Variants in BARD1 observed in about 807,000 individuals in gnomAD.
The protein encoded by BARD1 is BRCA1-associated RING domain protein 1.
A neutral mutation model predicts 77.0 loss-of-function variants in BARD1; 73 were observed. The observed-to-expected ratio is 0.95, with a 90% CI of 0.79 to 1.15. BARD1 has a LOEUF of 1.15. BARD1 is among the 50% of genes most tolerant of loss of function. BARD1 has a pLI of 0.00. For missense variants in BARD1, 993 were observed against 938.8 expected, an observed-to-expected ratio of 1.06 and a Z score of -0.75; for synonymous variants, 384 against 338.0, an observed-to-expected ratio of 1.14 and a Z score of -1.49.
chr2:214,743,416 T>C (rs1692939703), intron 9 of BARD1, among the ~76,000 whole-genome samples: 1 of 152,234 alleles, frequency 6.6e-6, no homozygotes, highest in Non-Finnish European at 1.5e-5. Context: ...TGTTCTTTCT[T>C]AACATCTTAT....
chr2:214,800,443 C>T (rs1463068872), intron 1 of BARD1, among the ~76,000 whole-genome samples: 2 of 152,122 alleles, frequency 1.3e-5, no homozygotes, highest in Non-Finnish European at 2.9e-5. Context: ...GAGGCTGAGG[C>T]AGGAGGAAAG....
At chr2:214,742,426 T>C (rs1192631913) in intron 9 of BARD1, among the ~76,000 whole-genome samples, 1 of 152,224 alleles carries the variant, frequency 6.6e-6, no homozygotes, top group East Asian at 1.9e-4. Flanking sequence ...TTGAAGGTTC[T>C]TGCCTTCTTT....
intron 9 of BARD1, among the ~76,000 whole-genome samples, chr2:214,742,169 C>G (rs1411080897): frequency 1.3e-5 from 2 of 152,070 alleles, no homozygotes; most frequent in Non-Finnish European, 2.9e-5. Context: ...AAGCTTTGGT[C>G]CACCTATCAT....
intron 4 of BARD1, 35 bp from the exon 5 acceptor site, chr2:214,769,347 T>G: frequency 6.5e-7 from 1 of 1,533,958 alleles, no homozygotes; most frequent in Non-Finnish European, 9.0e-7. Flanking sequence ...TTAAAAAGCA[T>G]TAAGGAAAGA....
chr2:214,797,090 A>G lies in BARD1; in HGVS notation c.186T>C (p.Cys62=). ...RCTNILREPV[C]LGGCEHIFCS... is the part of the protein sequence containing the mutation. ...AGAAGATGTGCTCACATCCTCCTAA[A>G]CACACAGGCTCTCTCAGAATGTTAG... The change falls in exon 2 of 11, where the codon TGT becomes TGC. Residue 62 remains cysteine, a synonymous_variant. Coordinates refer to ENST00000260947, the MANE Select transcript of BARD1 (RefSeq NM_000465.4). 1 of 1,613,120 alleles carries G rather than the reference A, an allele frequency of 6.2e-7. No homozygotes were observed. The highest frequency in any genetic ancestry group is 8.5e-7 in the Non-Finnish European group (1 of 1,179,226).
chr2:214,728,871 C>A lies in BARD1; in HGVS notation c.2139G>T (p.Val713=). The part of the protein sequence containing the change: ...LSRKPKPDSD[V]TQTINTVAYH... Reference sequence around the variant, plus strand: ...ATGCGACTGTATTGATGGTCTGAGTCACGTCACTGTCTGGCTTGGGCTTTC... The same window carrying A: ...ATGCGACTGTATTGATGGTCTGAGTAACGTCACTGTCTGGCTTGGGCTTTC... The change falls in exon 11 of 11, where the codon GTG becomes GTT. Residue 713 remains valine (V), a synonymous_variant. Coordinates refer to ENST00000260947, the MANE Select transcript of BARD1 (RefSeq NM_000465.4). 1 of 1,614,178 alleles carries A rather than the reference C, an allele frequency of 6.2e-7. No homozygotes were observed.
At chr2:214,791,554 A>G (rs1176708158) in intron 3 of BARD1, among the ~76,000 whole-genome samples, 1 of 152,214 alleles carries the variant, frequency 6.6e-6, no homozygotes, top group East Asian at 1.9e-4. Context: ...ACAGTTAATT[A>G]GTTCTCAGCA....
chr2:214,793,768 A>G (rs188768122), intron 2 of BARD1, among the ~76,000 whole-genome samples: 1 of 152,290 alleles, frequency 6.6e-6, no homozygotes, highest in Non-Finnish European at 1.5e-5. Flanking sequence ...TTCTGAAAAA[A>G]ATGTCATTTT....
chr2:214,734,375 T>G (rs377593128), intron 9 of BARD1, among the ~76,000 whole-genome samples: 2 of 152,244 alleles, frequency 1.3e-5, no homozygotes, highest in South Asian at 2.1e-4. Flanking sequence ...AGTTGTTCCA[T>G]TGTTACTTCT....
intron 7 of BARD1, 25 bp downstream of exon 7, chr2:214,752,422 G>A: frequency 1.3e-6 from 2 of 1,557,270 alleles, no homozygotes; most frequent in Non-Finnish European, 1.8e-6. Flanking sequence ...ATATATAAAT[G>A]TCCCAAAGCT....
intron 5 of BARD1, among the ~76,000 whole-genome samples, chr2:214,767,979 G>GA (rs11427475): frequency 0.55 from 83,497 of 151,834 alleles, 23,283 homozygotes; most frequent in African/African-American, 0.64. Flanking sequence ...AACACATTAA[G>GA]AAAAAAGTCT....
chr2:214,735,228 C>T (rs924925221), intron 9 of BARD1, among the ~76,000 whole-genome samples: 1 of 152,112 alleles, frequency 6.6e-6, no homozygotes, highest in African/African-American at 2.4e-5. Flanking sequence ...AACAGCACTT[C>T]AGCACTGTAT....
In BARD1 at chr2:214,792,314, T is replaced by G. The variant is rs773211367; in HGVS notation, c.347A>C (p.His116Pro). 6.2e-7 allele frequency: 1 copy of G among 1,613,522 alleles called. No homozygotes were observed. Among genetic ancestry groups the G allele is most frequent in the Admixed American group, 1.7e-5 (1 of 59,920 alleles). The change falls in exon 3 of 11, where the codon CAT becomes CCT. Residue 116 changes from histidine (H) to proline (P), a missense_variant. His to Pro is a moderately conservative substitution (Grantham distance 77). Transcript: ENST00000260947. The stretch of plus-strand genomic sequence containing the variant: ...GTTCTTACCTGACAGCTCATTGTCA[T>G]GTAGCAAATTTCGAAGCTTACTACA... ...QLCSKLRNLL[H>P]DNELSDLKED...
intron 7 of BARD1, among the ~76,000 whole-genome samples, chr2:214,750,068 T>C (rs1693333526): frequency 6.6e-6 from 1 of 152,170 alleles, no homozygotes; most frequent in African/African-American, 2.4e-5. Flanking sequence ...CATCTACTAC[T>C]ACTCTTGTGA....
At chr2:214,771,924 G>GAAAAAAAAA (rs10602414) in intron 4 of BARD1, among the ~76,000 whole-genome samples, 2 of 107,162 alleles carry the variant, frequency 1.9e-5, no homozygotes, top group Admixed American at 9.6e-5. Flanking sequence ...CCAGTTTCAG[G>GAAAAAAAAA]AAAAAAAAAA....
At chr2:214,789,403 T>A (rs1204113230) in intron 3 of BARD1, among the ~76,000 whole-genome samples, 1 of 148,816 alleles carries the variant, frequency 6.7e-6, no homozygotes, top group Non-Finnish European at 1.5e-5. Flanking sequence ...ATTGGCAGGG[T>A]ATGTGGTGGT....
At chr2:214,751,725 G>A (rs1173197508) in intron 7 of BARD1, among the ~76,000 whole-genome samples, 1 of 151,930 alleles carries the variant, frequency 6.6e-6, no homozygotes, top group Non-Finnish European at 1.5e-5. Flanking sequence ...CATCAAATTG[G>A]CACATAGAAC....
intron 1 of BARD1, among the ~76,000 whole-genome samples, chr2:214,808,539 C>CA (rs1316912873): frequency 1.3e-5 from 2 of 152,032 alleles, no homozygotes; most frequent in East Asian, 3.9e-4. Context: ...CTACAAATAA[C>CA]AAAAAAACTG....
chr2:214,757,523 T>C (rs764159057), intron 6 of BARD1, among the ~76,000 whole-genome samples: 5 of 152,276 alleles, frequency 3.3e-5, no homozygotes, highest in Non-Finnish European at 7.4e-5. Flanking sequence ...TGAAAATGGA[T>C]ATATGTATTA....
Sources: gnomAD v4.1 joint callset for allele counts (sites outside exome capture counted in the v4.1 genomes callset) on GRCh38, gnomAD v4.1.1 for gene constraint, MANE v1.5 for transcripts, NCBI Gene and HGNC (gene_info 2026-07-23, HGNC 2026-07-21) for gene names.